PTPRD: variants seen among roughly 807,000 people sequenced by gnomAD.
PTPRD encodes protein tyrosine phosphatase receptor type D, also known as receptor-type tyrosine-protein phosphatase delta.
PTPRD carries 34 observed loss-of-function variants against 214.5 expected under a neutral mutation model. That is an observed-to-expected ratio of 0.16 (90% CI 0.12 to 0.21). The LOEUF (loss-of-function observed/expected upper bound fraction) is 0.21, where lower values mean the gene tolerates loss of function less well. PTPRD is among the 10% of genes least tolerant of loss of function. The pLI, the probability that PTPRD is intolerant of heterozygous loss-of-function variation, is 1.00. For synonymous variants in PTPRD, 1,128 were observed against 845.7 expected, an observed-to-expected ratio of 1.33 and a Z score of -5.79; for missense variants, 2,545 against 2,398.7, an observed-to-expected ratio of 1.06 and a Z score of -1.27.
chr9:9,397,350 A>C (rs1323220745), intron 9 of PTPRD, 99 bp downstream of exon 9: 1 of 152,392 alleles, frequency 6.6e-6, no homozygotes, highest in Non-Finnish European at 1.5e-5. Context: ...AACTCATTCA[A>C]AGAATTTTAA....
chr9:10,419,301 C>G (rs769542671), intron 2 of PTPRD, among the ~76,000 whole-genome samples: 1 of 151,858 alleles, frequency 6.6e-6, no homozygotes, highest in Non-Finnish European at 1.5e-5. Context: ...ACACTGGACT[C>G]TAATCTTTTG....
At chr9:9,335,655 A>G (rs2136924056) in intron 9 of PTPRD, among the ~76,000 whole-genome samples, 1 of 152,244 alleles carries the variant, frequency 6.6e-6, no homozygotes, top group East Asian at 1.9e-4. Flanking sequence ...ACACACATCA[A>G]TCACATATTC....
At chr9:9,645,497 T>C (rs1222950334) in intron 7 of PTPRD, among the ~76,000 whole-genome samples, 1 of 149,866 alleles carries the variant, frequency 6.7e-6, no homozygotes, top group Non-Finnish European at 1.5e-5. Flanking sequence ...TTTGCTTCTA[T>C]TTGAAATATC....
chr9:10,289,183 T>C (rs1461968745), intron 3 of PTPRD, among the ~76,000 whole-genome samples: 1 of 152,194 alleles, frequency 6.6e-6, no homozygotes, highest in Non-Finnish European at 1.5e-5. Flanking sequence ...ATACAAAGTT[T>C]GGGTAGATTT....
intron 10 of PTPRD, among the ~76,000 whole-genome samples, chr9:9,019,798 C>A (rs756032309): frequency 6.6e-6 from 1 of 152,078 alleles, no homozygotes; most frequent in Non-Finnish European, 1.5e-5. Context: ...TGTAGTGTTT[C>A]GGGAGTTTTA....
chr9:9,685,380 C>A (rs2097149562), intron 7 of PTPRD, among the ~76,000 whole-genome samples: 1 of 150,962 alleles, frequency 6.6e-6, no homozygotes, highest in Non-Finnish European at 1.5e-5. Flanking sequence ...GAGTAGGCTC[C>A]CAAATGCAAG....
At chr9:8,329,424 G>C (rs1209807992) in intron 44 of PTPRD, among the ~76,000 whole-genome samples, 3 of 152,104 alleles carry the variant, frequency 2.0e-5, no homozygotes, top group Non-Finnish European at 4.4e-5. Flanking sequence ...ATGCCAGCCA[G>C]TGTTCTCCTG....
At chr9:9,191,491 A>G (rs987145191) in intron 9 of PTPRD, among the ~76,000 whole-genome samples, 1 of 152,098 alleles carries the variant, frequency 6.6e-6, no homozygotes, top group Non-Finnish European at 1.5e-5. Flanking sequence ...GAGCTAAGAA[A>G]AGTCTGATTT....
At chr9:9,347,940 T>A (rs2049508448) in intron 9 of PTPRD, among the ~76,000 whole-genome samples, 1 of 152,158 alleles carries the variant, frequency 6.6e-6, no homozygotes, top group African/African-American at 2.4e-5. Flanking sequence ...CACATCATAG[T>A]GACATCAGTA....
Position 8,895,208 on chromosome 9 carries a change from G to A in PTPRD, c.-104+123489C>T, listed in dbSNP as rs540373713. The stretch of plus-strand genomic sequence containing the variant: ...TTGAGCTAGTTGAAAGAATGACAAT[G>A]TTTCCTTTTCTGCTTTTCAGACTTT... On this transcript the variant is annotated intron_variant, in intron 11 of 45. Coordinates refer to ENST00000381196, the MANE Select transcript of PTPRD (RefSeq NM_002839.4). Among the ~76,000 whole-genome samples the A allele has an allele frequency of 2.6e-5, 4 of 152,230 alleles. No individual in the cohort carries two copies. The East Asian group carries it at 5.8e-4, about 22-fold the overall frequency.
At chr9:9,214,826 C>T (rs1333075372) in intron 9 of PTPRD, among the ~76,000 whole-genome samples, 1 of 152,120 alleles carries the variant, frequency 6.6e-6, no homozygotes, top group South Asian at 2.1e-4. Flanking sequence ...GTTGTCTCAG[C>T]AAGCCTGTGT....
intron 7 of PTPRD, among the ~76,000 whole-genome samples, chr9:9,635,673 T>C (rs1190155318): frequency 6.6e-6 from 1 of 152,122 alleles, no homozygotes; most frequent in African/African-American, 2.4e-5. Flanking sequence ...TATTGTAGAG[T>C]CTCAACATGG....
In PTPRD at chr9:9,489,171, G is replaced by C. The variant is rs2095793823; in HGVS notation, c.-237+85561C>G. Reference sequence around the variant, plus strand: ...GGAAGTAACTGTATGCCCAGGAAATGACATAGGCGCAGAAAAAATCTGGAA... The same window carrying C: ...GGAAGTAACTGTATGCCCAGGAAATCACATAGGCGCAGAAAAAATCTGGAA... On this transcript the variant is annotated intron_variant, in intron 8 of 45. Transcript: ENST00000381196. 3.9e-5 allele frequency among the ~76,000 whole-genome samples: 6 copies of C among 152,240 alleles called. No homozygotes were observed. The South Asian group carries it at 1.2e-3, about 32-fold the overall frequency.
At chr9:9,860,768 A>G (rs886843250) in intron 5 of PTPRD, among the ~76,000 whole-genome samples, 1 of 152,088 alleles carries the variant, frequency 6.6e-6, no homozygotes. Flanking sequence ...GATCCACACC[A>G]CAGGGGTCTT....
intron 11 of PTPRD, among the ~76,000 whole-genome samples, chr9:8,885,205 T>C (rs1301648883): frequency 6.6e-6 from 1 of 152,162 alleles, no homozygotes. Context: ...GTCCTTTACT[T>C]ATTCACCATT....
At chr9:8,758,775 T>TGA (rs2094199291) in intron 11 of PTPRD, among the ~76,000 whole-genome samples, 1 of 150,926 alleles carries the variant, frequency 6.6e-6, no homozygotes, top group African/African-American at 2.4e-5. Context: ...TTTTTTTTTT[T>TGA]GAGATGGAGT....
At chr9:9,716,066 A>G (rs1276306901) in intron 7 of PTPRD, among the ~76,000 whole-genome samples, 1 of 141,820 alleles carries the variant, frequency 7.1e-6, no homozygotes, top group African/African-American at 2.7e-5. Flanking sequence ...ATGTGATCTC[A>G]TTGTTCAGTT....
intron 14 of PTPRD, among the ~76,000 whole-genome samples, chr9:8,577,846 G>A (rs1182861095): frequency 6.6e-6 from 1 of 152,100 alleles, no homozygotes; most frequent in African/African-American, 2.4e-5. Flanking sequence ...AGGGATGTGG[G>A]ACTCAGAAAT....
At chr9:9,258,666 C>T (rs1018461891) in intron 9 of PTPRD, among the ~76,000 whole-genome samples, 1 of 151,786 alleles carries the variant, frequency 6.6e-6, no homozygotes, top group Admixed American at 6.6e-5. Context: ...TCTTAGCTAA[C>T]TAAGACTATA....
Sources: gnomAD v4.1 joint callset for allele counts (sites outside exome capture counted in the v4.1 genomes callset) on GRCh38, gnomAD v4.1.1 for gene constraint, MANE v1.5 for transcripts, NCBI Gene and HGNC (gene_info 2026-07-23, HGNC 2026-07-21) for gene names.